The following PIEZO2 variants were observed in gnomAD, a reference collection of about 807,000 sequenced individuals.
PIEZO2 encodes the protein piezo type mechanosensitive ion channel component 2.
A neutral mutation model predicts 337.3 loss-of-function variants in PIEZO2; 172 were observed. That is an observed-to-expected ratio of 0.51 (90% confidence interval 0.45 to 0.58). The LOEUF is 0.58. PIEZO2 is among the 20% of genes least tolerant of loss of function. The pLI, the probability that PIEZO2 is intolerant of heterozygous loss-of-function variation, is 0.00. For synonymous variants in PIEZO2, 1,251 were observed against 1,228.5 expected, an observed-to-expected ratio of 1.02 and a Z score of -0.38; for missense variants, 3,028 against 3,391.3, an observed-to-expected ratio of 0.89 and a Z score of 2.66.
intron 30 of PIEZO2, 51 bp from the exon 31 acceptor site, chr18:10,744,282 T>G: frequency 8.5e-7 from 1 of 1,177,400 alleles, no homozygotes; most frequent in Non-Finnish European, 1.2e-6. Flanking sequence ...CCATTGTTGT[T>G]CCCCTTTTCC....
chr18:10,807,038 C>G (rs2040022021), intron 8 of PIEZO2, 74 bp downstream of exon 8: 1 of 1,394,990 alleles, frequency 7.2e-7, no homozygotes, highest in Non-Finnish European at 9.7e-7. Context: ...CAGTAGAGAA[C>G]AGGAGTGAAT....
At position 11,047,512 on chromosome 18, in the gene PIEZO2, G is replaced by A. The variant is rs1346609848; in HGVS notation, c.160+18615C>T. On this transcript the variant is annotated intron_variant, in intron 2 of 55. Transcript: ENST00000674853. The surrounding 1 kb of genome is among the most constrained non-coding windows in gnomAD (Gnocchi z 7.2). The stretch of plus-strand genomic sequence containing the variant: ...CCCCAAATTCCACTCTTGGAAATGA[G>A]AGCCACATCCACAACAAAGAGGAGG... Among the ~76,000 whole-genome samples, 1 of 152,184 alleles carries A rather than the reference G, an allele frequency of 6.6e-6. No homozygotes were observed. The highest frequency in any genetic ancestry group is 1.5e-5 in the Non-Finnish European group (1 of 68,044).
chr18:10,697,141 C>A (rs550831553), intron 45 of PIEZO2, among the ~76,000 whole-genome samples: 1 of 152,170 alleles, frequency 6.6e-6, no homozygotes, highest in Non-Finnish European at 1.5e-5. Flanking sequence ...GTCCTGTTGG[C>A]TCTTGCTTGT....
At position 10,831,219 on chromosome 18, in the gene PIEZO2, G is replaced by A. The variant is rs138456185; in HGVS notation, c.918-23945C>T. 2.6e-4 allele frequency among the ~76,000 whole-genome samples: 39 copies of A among 152,306 alleles called. 1 individual carries two copies. In the East Asian group the frequency reaches 7.5e-3, roughly 29 times the overall value. ...GGAAAGAAGTATATCGAAGAGATCT[G>A]AACATTCATGTTTACTGCGGCACTC... On this transcript the variant is annotated intron_variant, in intron 7 of 55. Coordinates refer to ENST00000674853, the MANE Select transcript of PIEZO2 (RefSeq NM_001378183.1).
In PIEZO2 at chr18:10,837,609, C is replaced by A. The variant is rs1270783258; in HGVS notation, c.917+17744G>T. ...ATCTATGTAAGAAAAGGCCTAAAAT[C>A]TAACTGTGGGTGGACAGAACAGAAT... On this transcript the variant is annotated intron_variant, in intron 7 of 55. Transcript: ENST00000674853. This position sits in a 1 kb window ranked among gnomAD's most constrained non-coding sequence, Gnocchi z 4.4. Among the ~76,000 whole-genome samples the A allele has an allele frequency of 6.6e-6, 1 of 152,190 alleles. No homozygotes were observed. Among genetic ancestry groups the A allele is most frequent in the African/African-American group, 2.4e-5 (1 of 41,442 alleles).
chr18:11,042,120 T>A (rs1183532256), intron 2 of PIEZO2, among the ~76,000 whole-genome samples: 1 of 152,196 alleles, frequency 6.6e-6, no homozygotes, highest in Non-Finnish European at 1.5e-5. Context: ...AGTCATCTCC[T>A]CTAAGGATGA....
In PIEZO2 at chr18:11,077,629, C is replaced by T. The variant is rs566072392; in HGVS notation, c.65-11407G>A. 5.3e-5 allele frequency among the ~76,000 whole-genome samples: 8 copies of T among 152,272 alleles called. 1 individual carries two copies. The South Asian group carries it at 8.3e-4, about 16-fold the overall frequency. On this transcript the variant is annotated intron_variant, in intron 1 of 55. Coordinates refer to ENST00000674853, the MANE Select transcript of PIEZO2 (RefSeq NM_001378183.1). This position sits in a 1 kb window ranked among gnomAD's most constrained non-coding sequence, Gnocchi z 4.8. ...GTTCGAGGCTGCAGTGAGCTGTGAT[C>T]GCACCACTGCACTCCAGCCTGTTTC...
At position 10,834,177 on chromosome 18, in the gene PIEZO2, A is replaced by G. The variant is rs948230365; in HGVS notation, c.917+21176T>C. Among the ~76,000 whole-genome samples the G allele has an allele frequency of 1.3e-5, 2 of 152,170 alleles. No individual in the cohort carries two copies. The highest frequency in any genetic ancestry group is 4.8e-5 in the African/African-American group (2 of 41,424). On this transcript the variant is annotated intron_variant, in intron 7 of 55. Transcript: ENST00000674853. The surrounding 1 kb of genome is among the most constrained non-coding windows in gnomAD (Gnocchi z 4.5). Reference sequence around the variant, plus strand: ...GAACATTCCATTTCCACTCTCAGTTATTTTAAAATATGCAGTACATTATCG... The same window carrying G: ...GAACATTCCATTTCCACTCTCAGTTGTTTTAAAATATGCAGTACATTATCG...
Position 10,980,733 on chromosome 18 carries a change from A to G in PIEZO2, c.161-1073T>C, listed in dbSNP as rs1019161175. Among the ~76,000 whole-genome samples, 4 of 152,232 alleles carry G rather than the reference A, an allele frequency of 2.6e-5. No individual in the cohort carries two copies. Among genetic ancestry groups the G allele is most frequent in the Admixed American group, 1.3e-4 (2 of 15,286 alleles). ...CATACCTCTTCATTAACAATAATCA[A>G]AAAGAAATAAGATGCAATTTTATTA... On this transcript the variant is annotated intron_variant, in intron 2 of 55. Transcript: ENST00000674853. The surrounding 1 kb of genome is among the most constrained non-coding windows in gnomAD (Gnocchi z 4.8).
At chr18:10,809,916 G>A (rs571414774) in intron 7 of PIEZO2, among the ~76,000 whole-genome samples, 2 of 152,264 alleles carry the variant, frequency 1.3e-5, no homozygotes, top group East Asian at 3.9e-4. Flanking sequence ...TCTCTCCATA[G>A]AAATATCTCT....
rs1291979768 is a variant in PIEZO2, at chr18:10,724,586, G to GT, written c.5030-6328dup. The GT allele has an allele frequency of 3.4e-6, 2 of 597,006 alleles. No homozygotes were observed. Among genetic ancestry groups the GT allele is most frequent in the Non-Finnish European group, 3.0e-6 (1 of 329,026 alleles). 37.0% of individuals were successfully genotyped at this position (597,006 alleles called of 1,614,324 possible). On this transcript the variant is annotated intron_variant, in intron 36 of 55. Transcript: ENST00000674853. This position sits in a 1 kb window ranked among gnomAD's most constrained non-coding sequence, Gnocchi z 5.8. ...GAAGTCGACAGTGTGGGGAGTTGGAGTGACCCAGCTGGATGTGACCCCCAA... is the reference window on the plus strand; with the variant it reads ...GAAGTCGACAGTGTGGGGAGTTGGAGTTGACCCAGCTGGATGTGACCCCCAA...
At chr18:11,045,225 C>T (rs1214923722) in intron 2 of PIEZO2, among the ~76,000 whole-genome samples, 2 of 136,744 alleles carry the variant, frequency 1.5e-5, no homozygotes, top group Non-Finnish European at 3.0e-5. Context: ...GGCGTGAACC[C>T]GGGAGGCAGA....
intron 2 of PIEZO2, among the ~76,000 whole-genome samples, chr18:10,998,525 A>G (rs907513555): frequency 3.9e-5 from 6 of 152,178 alleles, no homozygotes; most frequent in African/African-American, 9.6e-5. Context: ...CTTCATTTAT[A>G]TAAGAAATAT....
Position 11,001,820 on chromosome 18 carries a change from G to A in PIEZO2, c.161-22160C>T, listed in dbSNP as rs1277930325. 6.6e-6 allele frequency among the ~76,000 whole-genome samples: 1 copy of A among 151,866 alleles called. No homozygotes were observed. Among genetic ancestry groups the A allele is most frequent in the Non-Finnish European group, 1.5e-5 (1 of 68,022 alleles). The stretch of plus-strand genomic sequence containing the variant: ...TTGAACCCAGGAGGCAGAGGTTGCA[G>A]TGAGCTCAGATTGCACCACTGTACT... On this transcript the variant is annotated intron_variant, in intron 2 of 55. Coordinates refer to ENST00000674853, the MANE Select transcript of PIEZO2 (RefSeq NM_001378183.1). This position sits in a 1 kb window ranked among gnomAD's most constrained non-coding sequence, Gnocchi z 5.3.
intron 27 of PIEZO2, 135 bp from the exon 28 acceptor site, chr18:10,753,014 A>G (rs2037704465): frequency 2.7e-6 from 3 of 1,130,330 alleles, no homozygotes; most frequent in Non-Finnish European, 3.6e-6. Context: ...CTTTCATTTA[A>G]TCCTGCTATC....
chr18:10,823,530 T>G (rs1041024619), intron 7 of PIEZO2, among the ~76,000 whole-genome samples: 44 of 152,236 alleles, frequency 2.9e-4, no homozygotes, highest in African/African-American at 1.1e-3. Context: ...GCACATTATT[T>G]TGGTGAATGC....
intron 47 of PIEZO2, among the ~76,000 whole-genome samples, chr18:10,693,000 G>A (rs2034917926): frequency 6.6e-6 from 1 of 152,056 alleles, no homozygotes; most frequent in Admixed American, 6.6e-5. Flanking sequence ...CAAGTATTTT[G>A]ATGCATGAAT....
chr18:10,763,592 A>G (rs1363794730), intron 21 of PIEZO2, among the ~76,000 whole-genome samples: 1 of 152,192 alleles, frequency 6.6e-6, no homozygotes, highest in Non-Finnish European at 1.5e-5. Flanking sequence ...GAAGTGCAAC[A>G]GGAGGTGAGG....
rs1486315361 is a variant in PIEZO2 at position 10,954,857 on chromosome 18, T to C, written c.286+24678A>G. ...TCATTTCTCTCTGATGTTAGTAATG[T>C]TTTCCTTGATCTCCCCAGAAAAGTA... On this transcript the variant is annotated intron_variant, in intron 3 of 55. Transcript: ENST00000674853. The surrounding 1 kb of genome is among the most constrained non-coding windows in gnomAD (Gnocchi z 4.2). 6.6e-6 allele frequency among the ~76,000 whole-genome samples: 1 copy of C among 152,192 alleles called. No individual in the cohort carries two copies. Among genetic ancestry groups the C allele is most frequent in the Non-Finnish European group, 1.5e-5 (1 of 68,028 alleles).
Sources: allele counts gnomAD v4.1 joint callset (sites outside exome capture counted in the v4.1 genomes callset), GRCh38; gene constraint gnomAD v4.1.1; non-coding constraint Gnocchi (gnomAD v3.1); transcripts MANE v1.5; gene names NCBI Gene and HGNC (gene_info 2026-07-23, HGNC 2026-07-21).